NAALADL2: variants seen among roughly 807,000 people sequenced by gnomAD.
The protein encoded by NAALADL2 is inactive N-acetylated-alpha-linked acidic dipeptidase-like protein 2.
NAALADL2 carries 76 observed loss-of-function variants against 87.2 expected under a neutral mutation model. The observed-to-expected ratio is 0.87, with a 90% CI of 0.72 to 1.05. NAALADL2 has a LOEUF of 1.05. Among genes scored for constraint, NAALADL2 ranks in the 50% least tolerant of loss-of-function variants. The pLI is 0.00. For missense variants in NAALADL2, 1,089 were observed against 945.8 expected, an observed-to-expected ratio of 1.15 and a Z score of -1.99; for synonymous variants, 354 against 331.0, an observed-to-expected ratio of 1.07 and a Z score of -0.75.
intron 5 of NAALADL2, among the ~76,000 whole-genome samples, chr3:175,349,136 A>G (rs919595308): frequency 6.6e-5 from 10 of 152,068 alleles, no homozygotes; most frequent in African/African-American, 1.9e-4. Context: ...CCATCAGAGA[A>G]TAAGAATGAA....
intron 1 of NAALADL2, among the ~76,000 whole-genome samples, chr3:174,511,336 G>T (rs1229844182): frequency 1.3e-5 from 2 of 151,788 alleles, no homozygotes; most frequent in African/African-American, 4.8e-5. Context: ...GTATTTTAAA[G>T]ATATTTATTA....
At chr3:175,595,097 C>G (rs1287413323) in intron 10 of NAALADL2, among the ~76,000 whole-genome samples, 2 of 151,900 alleles carry the variant, frequency 1.3e-5, no homozygotes, top group African/African-American at 2.4e-5. Context: ...AGGGTATTTC[C>G]TATGTTTTTG....
chr3:174,828,050 C>T (rs1477873371), intron 3 of NAALADL2, among the ~76,000 whole-genome samples: 1 of 152,066 alleles, frequency 6.6e-6, no homozygotes, highest in Non-Finnish European at 1.5e-5. Context: ...GGCATGGTGG[C>T]TCATACCTGT....
chr3:174,797,944 G>A (rs1718334607), intron 3 of NAALADL2, among the ~76,000 whole-genome samples: 1 of 151,978 alleles, frequency 6.6e-6, no homozygotes. Flanking sequence ...TGAAGGTTTT[G>A]AAGATTTACT....
intron 1 of NAALADL2, among the ~76,000 whole-genome samples, chr3:174,995,268 C>A (rs1243497335): frequency 6.6e-6 from 1 of 152,040 alleles, no homozygotes. Context: ...GGTCAAAAAG[C>A]AAAGGCATCG....
At chr3:174,613,047 A>G (rs898567374) in intron 2 of NAALADL2, among the ~76,000 whole-genome samples, 2 of 152,210 alleles carry the variant, frequency 1.3e-5, no homozygotes, top group African/African-American at 4.8e-5. Context: ...ACTTATACAG[A>G]TATACCTTGA....
chr3:174,717,813 A>T (rs1731336617), intron 2 of NAALADL2, among the ~76,000 whole-genome samples: 1 of 152,054 alleles, frequency 6.6e-6, no homozygotes, highest in Non-Finnish European at 1.5e-5. Flanking sequence ...ATTCACTTTT[A>T]AAAATACCTT....
rs1725528906 is a variant in NAALADL2 at position 175,617,613 on chromosome 3, G to C, written c.1801-9678G>C. Among the ~76,000 whole-genome samples, 4 of 152,082 alleles carry C rather than the reference G, an allele frequency of 2.6e-5. No individual in the cohort carries two copies. The South Asian group carries it at 8.3e-4, about 32-fold the overall frequency. On this transcript the variant is annotated intron_variant, in intron 10 of 13. Coordinates refer to ENST00000454872, the MANE Select transcript of NAALADL2 (RefSeq NM_207015.3). ...TTCTTGCATCTATTTTCCCTCTCTT[G>C]GGCCTCCTCCCAACCCTATTCTAAA...
Position 175,755,356 on chromosome 3 carries a change from T to C in NAALADL2, c.2127T>C (p.Asn709=), listed in dbSNP as rs374261192. 3.1e-6 allele frequency: 5 copies of C among 1,612,406 alleles called. No individual in the cohort carries two copies. In the African/African-American group the frequency reaches 6.7e-5, roughly 22 times the overall value. ...ERAPIRIRML[N]DILQDMEKSF... ...CACCCATCCGCATCCGGATGCTGAA[T>C]GACATTCTCCAAGACATGGAGAAAA... Residue 709 remains asparagine (N), a synonymous_variant, in exon 13 of 14, where the codon AAT becomes AAC. Coordinates refer to ENST00000454872, the MANE Select transcript of NAALADL2 (RefSeq NM_207015.3).
intron 1 of NAALADL2, among the ~76,000 whole-genome samples, chr3:174,493,628 G>C (rs910263427): frequency 1.3e-5 from 2 of 152,052 alleles, no homozygotes; most frequent in Non-Finnish European, 2.9e-5. Flanking sequence ...AGAGTAGTTA[G>C]GAACAAATAT....
rs549580844 is a variant in NAALADL2 at position 175,810,172 on chromosome 3, G to A, written c.*6969G>A. Reference sequence around the variant, plus strand: ...CGGTAGTTTTTAAATTACTATATAGGGTTGAATGTCTAATTTCTATAATGT... The same window carrying A: ...CGGTAGTTTTTAAATTACTATATAGAGTTGAATGTCTAATTTCTATAATGT... On this transcript the variant is annotated 3_prime_UTR_variant, in exon 14 of 14. Coordinates refer to ENST00000454872, the MANE Select transcript of NAALADL2 (RefSeq NM_207015.3). 4 of 151,978 alleles carry A rather than the reference G, an allele frequency of 2.6e-5. No individual in the cohort carries two copies. The East Asian group carries it at 5.8e-4, about 22-fold the overall frequency. The allele number at this position is 151,978 out of a possible 1,614,324, so 9.4% of individuals were successfully genotyped here.
chr3:175,082,062 G>GTGTA (rs958828553), intron 1 of NAALADL2, among the ~76,000 whole-genome samples: 1 of 151,956 alleles, frequency 6.6e-6, no homozygotes, highest in Admixed American at 6.6e-5. Flanking sequence ...GTGTGTGTGT[G>GTGTA]TATGTGTGTT....
intron 1 of NAALADL2, among the ~76,000 whole-genome samples, chr3:175,067,373 A>T (rs1228870812): frequency 6.6e-6 from 1 of 152,156 alleles, no homozygotes; most frequent in Non-Finnish European, 1.5e-5. Flanking sequence ...TCTAGATTTC[A>T]TAAGAAACTT....
chr3:175,450,900 T>C (rs998384440), intron 6 of NAALADL2, among the ~76,000 whole-genome samples: 2 of 152,064 alleles, frequency 1.3e-5, no homozygotes, highest in East Asian at 1.9e-4. Flanking sequence ...CAAGAAACCA[T>C]GTAGCTCTGG....
intron 2 of NAALADL2, among the ~76,000 whole-genome samples, chr3:175,147,128 A>C (rs1380017319): frequency 6.6e-6 from 1 of 152,214 alleles, no homozygotes; most frequent in Non-Finnish European, 1.5e-5. Context: ...CAAGGGATAC[A>C]CATGCAGGTT....
intron 3 of NAALADL2, among the ~76,000 whole-genome samples, chr3:174,816,389 TGTGTGTGTGTGTGTATGTGTGTGC>T (rs1472843874): frequency 1.3e-4 from 12 of 94,266 alleles, no homozygotes; most frequent in Non-Finnish European, 2.1e-4. Context: ...TATATATATG[TGTGTGTGTGTGTGTATGTGTGTGC>T]GTGTGTGTGT....
At chr3:175,370,049 T>A (rs1380697892) in intron 5 of NAALADL2, among the ~76,000 whole-genome samples, 1 of 152,180 alleles carries the variant, frequency 6.6e-6, no homozygotes, top group Non-Finnish European at 1.5e-5. Flanking sequence ...ATCTGAGAGC[T>A]GCTTGTCTGA....
At chr3:174,574,665 T>G (rs1345663021) in intron 2 of NAALADL2, among the ~76,000 whole-genome samples, 1 of 152,144 alleles carries the variant, frequency 6.6e-6, no homozygotes, top group Non-Finnish European at 1.5e-5. Context: ...ATGAACATTT[T>G]CCTCACTTCA....
rs556198082 is a variant in NAALADL2 at position 175,458,297 on chromosome 3, C to T, written c.1235-5104C>T. Among the ~76,000 whole-genome samples the T allele has an allele frequency of 2.5e-4, 38 of 151,768 alleles. No homozygotes were observed. In the South Asian group the frequency reaches 7.9e-3, roughly 32 times the overall value. On this transcript the variant is annotated intron_variant, in intron 6 of 13. Transcript: ENST00000454872. The stretch of plus-strand genomic sequence containing the variant: ...AAAATATAGTTATATTTTAATATTA[C>T]ATTTGTATGTAAGTATATAAAAATA...
Sources: gnomAD v4.1 joint callset for allele counts (sites outside exome capture counted in the v4.1 genomes callset) on GRCh38, gnomAD v4.1.1 for gene constraint, MANE v1.5 for transcripts, NCBI Gene and HGNC (gene_info 2026-07-23, HGNC 2026-07-21) for gene names.